Variants in CHD1L observed in about 807,000 individuals in gnomAD.
CHD1L encodes the protein ATP-dependent chromatin remodeler CHD1L.
Under a neutral mutation model 115.9 loss-of-function variants are expected in CHD1L, and 118 were observed. That is an observed-to-expected ratio of 1.02 (90% CI 0.88 to 1.19). The LOEUF is 1.19. Among genes scored for constraint, CHD1L ranks in the 50% most tolerant of loss-of-function variants. The probability of loss-of-function intolerance (pLI) is 0.00; values close to 1 mark genes in which losing one functional copy is unlikely to be tolerated. For synonymous variants in CHD1L, 411 were observed against 387.1 expected (o/e 1.06, Z -0.72); for missense variants, 1,179 against 1,065.3 (o/e 1.11, Z -1.49).
the CHD1L span, chr1:147,208,817 G>T: frequency 6.4e-7 from 1 of 1,564,254 alleles, no homozygotes; most frequent in Middle Eastern, 1.7e-4. Context: ...TTGTGCTTTG[G>T]CCACTATCCC....
chr1:147,227,836 A>C, the CHD1L span, among the ~76,000 whole-genome samples: 2 of 152,166 alleles, frequency 1.3e-5, no homozygotes, highest in South Asian at 2.1e-4. Flanking sequence ...ACCTCTACTC[A>C]GATGCTACCC....
intron 18 of CHD1L, among the ~76,000 whole-genome samples, chr1:147,287,251 T>A (rs1683521475): frequency 6.6e-6 from 1 of 152,188 alleles, no homozygotes; most frequent in Non-Finnish European, 1.5e-5. Flanking sequence ...ATAAGTCACT[T>A]AACCTTTCCT....
chr1:147,272,207 G>A lies in CHD1L; in HGVS notation c.1196G>A (p.Gly399Glu). The change falls in exon 12 of 23, where the codon GGA (glycine) becomes GAA (glutamate). Residue 399 changes from glycine to glutamate, a missense_variant. Physicochemically the swap from Gly to Glu is moderately conservative, Grantham distance 98 (BLOSUM62 -2). Coordinates refer to ENST00000369258, the MANE Select transcript of CHD1L (RefSeq NM_004284.6). ...SYERVDGSVR[G>E]EERHLAIKNF... is the part of the protein sequence containing the mutation. ...GAGCGTGTGGATGGTTCTGTGAGAGGAGAAGAGAGACACTTGGCCATTAAG... is the reference window on the plus strand; with the variant it reads ...GAGCGTGTGGATGGTTCTGTGAGAGAAGAAGAGAGACACTTGGCCATTAAG... The A allele has an allele frequency of 6.2e-7, 1 of 1,614,146 alleles. No individual in the cohort carries two copies. The highest frequency in any genetic ancestry group is 8.5e-7 in the Non-Finnish European group (1 of 1,179,996).
At chr1:147,221,316 A>G in the CHD1L span, among the ~76,000 whole-genome samples, 1 of 152,224 alleles carries the variant, frequency 6.6e-6, no homozygotes, top group African/African-American at 2.4e-5. Flanking sequence ...TGGTTCATTC[A>G]TTATTTAAAA....
chr1:147,294,035 C>T (rs1686630682), intron 21 of CHD1L, among the ~76,000 whole-genome samples: 1 of 152,180 alleles, frequency 6.6e-6, no homozygotes, highest in South Asian at 2.1e-4. Context: ...TTTATTTAAT[C>T]TCCTCTTGGA....
At chr1:147,181,056 C>T in the CHD1L span, among the ~76,000 whole-genome samples, 13 of 152,194 alleles carry the variant, frequency 8.5e-5, no homozygotes, top group African/African-American at 2.4e-5. Context: ...CTCTTAGAAC[C>T]GTAATAATGC....
intron 1 of CHD1L, among the ~76,000 whole-genome samples, chr1:147,245,805 G>A (rs964102575): frequency 6.6e-6 from 1 of 151,846 alleles, no homozygotes; most frequent in Non-Finnish European, 1.5e-5. Context: ...AGCCTTCTGA[G>A]TAGCTGGGAC....
chr1:147,201,133 T>G, the CHD1L span: 1 of 1,548,370 alleles, frequency 6.5e-7, no homozygotes, highest in Non-Finnish European at 8.9e-7. Context: ...TTAAGTAGTC[T>G]ATTTGCATGG....
chr1:147,219,790 T>C, the CHD1L span, among the ~76,000 whole-genome samples: 3 of 148,944 alleles, frequency 2.0e-5, no homozygotes, highest in South Asian at 4.2e-4. Context: ...AGTCAACAAG[T>C]GAGTACAGCA....
At chr1:147,239,122 C>G (rs1553930293), upstream of CHD1L, among the ~76,000 whole-genome samples, 1 of 152,202 alleles carries the variant, frequency 6.6e-6, no homozygotes, top group African/African-American at 2.4e-5. Context: ...GAACTGTTTA[C>G]TTTCTGGTAA....
At chr1:147,262,501 T>G (rs1424304678) in intron 6 of CHD1L, among the ~76,000 whole-genome samples, 3 of 152,214 alleles carry the variant, frequency 2.0e-5, no homozygotes, top group African/African-American at 7.2e-5. Context: ...AAGTTACCTG[T>G]AGCGACTAGC....
In CHD1L at chr1:147,286,393, C is replaced by G; in HGVS notation, c.2114C>G (p.Ala705Gly). The G allele has an allele frequency of 6.2e-7, 1 of 1,614,152 alleles. No individual in the cohort carries two copies. Among genetic ancestry groups the G allele is most frequent in the Non-Finnish European group, 8.5e-7 (1 of 1,180,014 alleles). The stretch of plus-strand genomic sequence containing the variant: ...CTTGAGAATGGGGAAGAGAGCTCTG[C>G]TGAGCTGGATTACCAAGACCCAGAT... ...EDLENGEESS[A>G]ELDYQDPDAT... is the part of the protein sequence containing the mutation. Residue 705 changes from alanine to glycine, a missense_variant, in exon 18 of 23, where the codon GCT (alanine) becomes GGT (glycine). Ala to Gly is a moderately conservative substitution (Grantham distance 60). Coordinates refer to ENST00000369258, the MANE Select transcript of CHD1L (RefSeq NM_004284.6).
chr1:147,282,434 T>G (rs1245490907), intron 15 of CHD1L, among the ~76,000 whole-genome samples: 1 of 152,126 alleles, frequency 6.6e-6, no homozygotes, highest in Non-Finnish European at 1.5e-5. Context: ...TCCTAAGCTC[T>G]TGGGGGATTG....
At chr1:147,202,883 C>T in the CHD1L span, among the ~76,000 whole-genome samples, 2 of 152,140 alleles carry the variant, frequency 1.3e-5, no homozygotes, top group African/African-American at 4.8e-5. Context: ...GGTCACCAAG[C>T]CTTTTCCCTT....
At chr1:147,225,770 C>A in the CHD1L span, 1 of 152,228 alleles carries the variant, frequency 6.6e-6, no homozygotes, top group Non-Finnish European at 1.5e-5. Context: ...CAGGATGAGC[C>A]ACAGACAAAA....
chr1:147,264,711 G>T, intron 7 of CHD1L, 127 bp downstream of exon 7: 1 of 885,874 alleles, frequency 1.1e-6, no homozygotes, highest in Non-Finnish European at 1.7e-6. Context: ...GAGACAGACC[G>T]CTGATATTAG....
intron 19 of CHD1L, among the ~76,000 whole-genome samples, chr1:147,288,921 C>G (rs1189391514): frequency 6.6e-6 from 1 of 152,030 alleles, no homozygotes; most frequent in African/African-American, 2.4e-5. Context: ...AACAAAGTGG[C>G]AAGAATAAAA....
At chr1:147,236,093 C>A in the CHD1L span, among the ~76,000 whole-genome samples, 1 of 152,202 alleles carries the variant, frequency 6.6e-6, no homozygotes, top group African/African-American at 2.4e-5. Flanking sequence ...GCAAGGCAGG[C>A]AGCTCCAGGT....
chr1:147,186,638 A>G, the CHD1L span: 1 of 1,251,064 alleles, frequency 8.0e-7, no homozygotes, highest in African/African-American at 1.5e-5. Flanking sequence ...AAGACATACA[A>G]AGATGACTAA....
Sources: gnomAD v4.1 joint callset for allele counts (sites outside exome capture counted in the v4.1 genomes callset) on GRCh38, gnomAD v4.1.1 for gene constraint, MANE v1.5 for transcripts, NCBI Gene and HGNC (gene_info 2026-07-23, HGNC 2026-07-21) for gene names.